EMID1: variants seen among roughly 807,000 people sequenced by gnomAD.
EMID1 encodes EMI domain containing 1.
Under a neutral mutation model 60.6 loss-of-function variants are expected in EMID1, and 40 were observed. The ratio of observed to expected loss-of-function variants is 0.66; its 90% confidence interval spans 0.51 to 0.86. The LOEUF (loss-of-function observed/expected upper bound fraction) is 0.86. Among genes scored for constraint, EMID1 ranks in the 40% least tolerant of loss-of-function variants. EMID1 has a pLI of 0.00. For synonymous variants in EMID1, 242 were observed against 231.0 expected (o/e 1.05, Z -0.43); for missense variants, 585 against 597.1 (o/e 0.98, Z 0.21).
chr22:29,229,446 C>T (rs2040647874), intron 5 of EMID1, among the ~76,000 whole-genome samples: 1 of 152,030 alleles, frequency 6.6e-6, no homozygotes, highest in African/African-American at 2.4e-5. Context: ...GAGTTCGAGA[C>T]CAGCCTGACC....
chr22:29,234,209 C>G lies in EMID1; in HGVS notation c.1029+10C>G. On this transcript the variant is annotated intron_variant, in intron 11 of 14. Coordinates refer to ENST00000334018, the MANE Select transcript of EMID1 (RefSeq NM_133455.4). The stretch of plus-strand genomic sequence containing the variant: ...AGAGAAGGGCGAGAGAGTGAGTACC[C>G]AGGTGGCCCCAGGTGGGGGAATTCT... 6.2e-7 allele frequency: 1 copy of G among 1,606,258 alleles called. No homozygotes were observed.
At chr22:29,255,350 T>C in intron 14 of EMID1, 1 of 1,503,390 alleles carries the variant, frequency 6.7e-7, no homozygotes, top group Non-Finnish European at 9.0e-7. Context: ...CTGGAAGCCA[T>C]CATCTGGCCA....
At chr22:29,254,395 G>C in intron 14 of EMID1, 108 bp downstream of exon 14, 2 of 1,078,204 alleles carry the variant, frequency 1.9e-6, no homozygotes, top group African/African-American at 1.5e-5. Context: ...GGCTGGAGAA[G>C]GTGCCTGCCC....
Position 29,211,466 on chromosome 22 carries a change from G to A in EMID1, c.102-3460G>A, listed in dbSNP as rs2039878052. Reference sequence around the variant, plus strand: ...TGTGTGTGCACGTGCTCACTGCAGTGCGTATTTGCCCTGTGTGCCTGTGTG... The same window carrying A: ...TGTGTGTGCACGTGCTCACTGCAGTACGTATTTGCCCTGTGTGCCTGTGTG... On this transcript the variant is annotated intron_variant, in intron 1 of 14. Transcript: ENST00000334018. Among the ~76,000 whole-genome samples the A allele has an allele frequency of 2.0e-5, 3 of 152,102 alleles. No homozygotes were observed. The South Asian group carries it at 6.2e-4, about 32-fold the overall frequency.
At chr22:29,245,706 C>T (rs6006077) in intron 13 of EMID1, among the ~76,000 whole-genome samples, 20,161 of 152,264 alleles carry the variant, frequency 0.13, 1,524 homozygotes, top group East Asian at 0.23. Flanking sequence ...GGCTGTGGCC[C>T]AGCAGTGACA....
rs1259099770 is a variant in EMID1 at position 29,219,652 on chromosome 22, C to T, written c.319+4022C>T. 2.0e-5 allele frequency among the ~76,000 whole-genome samples: 3 copies of T among 152,104 alleles called. No individual in the cohort carries two copies. In the South Asian group the frequency reaches 6.2e-4, roughly 32 times the overall value. ...AAAAAATTAGCTGGGCATGGTGGTG[C>T]ACACCTATAGTCCTGGTTACTCAGG... is the stretch of plus-strand genomic sequence containing the variant. On this transcript the variant is annotated intron_variant, in intron 3 of 14. Transcript: ENST00000334018.
In EMID1 at chr22:29,239,761, C is replaced by CTT. The variant is rs374949058; in HGVS notation, c.1075-3671_1075-3670dup. Among the ~76,000 whole-genome samples the CTT allele has an allele frequency of 3.2e-3, 462 of 143,396 alleles. 3 individuals are homozygous for CTT. Among genetic ancestry groups the CTT allele is most frequent in the Non-Finnish European group, 4.9e-3 (321 of 65,624 alleles). The allele number at this position is 143,396 out of a possible 152,430, so 94.1% of individuals were successfully genotyped here. A position where few individuals can be genotyped will look rare whatever the true frequency, so the allele number is the denominator to read the frequency against. On this transcript the variant is annotated intron_variant, in intron 12 of 14. Transcript: ENST00000334018. ...TGGAGTCCTATGATTAGATCTCAGT[C>CTT]TTTTTTTTTTTTTTGAGACAGAGTC...
At chr22:29,256,728 T>A (rs2041722256) in intron 14 of EMID1, among the ~76,000 whole-genome samples, 1 of 151,730 alleles carries the variant, frequency 6.6e-6, no homozygotes, top group Admixed American at 6.6e-5. Flanking sequence ...TCCCTAGGGG[T>A]TGGAGAAGGC....
At chr22:29,226,862 T>C (rs1335677451) in intron 5 of EMID1, among the ~76,000 whole-genome samples, 1 of 152,154 alleles carries the variant, frequency 6.6e-6, no homozygotes, top group African/African-American at 2.4e-5. Flanking sequence ...CAGCCTGGCC[T>C]GTTCTTCCTC....
intron 14 of EMID1, among the ~76,000 whole-genome samples, chr22:29,256,988 T>C (rs910233950): frequency 1.3e-5 from 2 of 152,174 alleles, no homozygotes; most frequent in Admixed American, 1.3e-4. Flanking sequence ...AATCTCAGGC[T>C]CTCAGAACCT....
chr22:29,243,588 C>T, intron 13 of EMID1, 99 bp downstream of exon 13: 1 of 1,368,148 alleles, frequency 7.3e-7, no homozygotes, highest in South Asian at 1.2e-5. Flanking sequence ...GGGAGCATCC[C>T]ATCCACATCC....
chr22:29,259,312 T>G lies in EMID1; in HGVS notation c.*368T>G. 1 of 243,188 alleles carries G rather than the reference T, an allele frequency of 4.1e-6. No individual in the cohort carries two copies. Among genetic ancestry groups the G allele is most frequent in the Non-Finnish European group, 8.0e-6 (1 of 125,698 alleles). 15.1% of individuals were successfully genotyped at this position (243,188 alleles called of 1,614,324 possible). A position where few individuals can be genotyped will look rare whatever the true frequency, so the allele number is the denominator to read the frequency against. On this transcript the variant is annotated 3_prime_UTR_variant, in exon 15 of 15. Coordinates refer to ENST00000334018, the MANE Select transcript of EMID1 (RefSeq NM_133455.4). ...GAGATGACAGGGCAGGGGGCAGTCT[T>G]CCTCCCCCTCCCCGACCAAACCTCG...
Position 29,215,009 on chromosome 22 carries a change from G to T in EMID1, c.185G>T (p.Cys62Phe). The T allele has an allele frequency of 6.4e-7, 1 of 1,550,396 alleles. No homozygotes were observed. Among genetic ancestry groups the T allele is most frequent in the Non-Finnish European group, 8.7e-7 (1 of 1,145,234 alleles). ...GTYLQRVLQN[C>F]PWPMSCPGSS... ...TACCTTCAGCGAGTGCTGCAGAACT[G>T]CCCCTGGCCCATGAGCTGTCCGGGG... The change falls in exon 2 of 15, where the codon TGC (cysteine) becomes TTC (phenylalanine). Residue 62 changes from cysteine (C) to phenylalanine (F), a missense_variant. Coordinates refer to ENST00000334018, the MANE Select transcript of EMID1 (RefSeq NM_133455.4).
chr22:29,206,093 G>A lies in EMID1; in HGVS notation c.55G>A (p.Gly19Ser). Residue 19 changes from glycine (G) to serine (S), a missense_variant, in exon 1 of 15, where the codon GGC becomes AGC. Gly to Ser is a moderately conservative substitution (Grantham distance 56). Transcript: ENST00000334018. ...LLCLGLLLPG[G>S]GAAWSIGAAP... ...CTGCCTCGGGCTCCTGCTCCCGGGA[G>A]GCGGCGCTGCGTGGAGCATCGGGGC... 1 of 1,230,874 alleles carries A rather than the reference G, an allele frequency of 8.1e-7. No individual in the cohort carries two copies. Among genetic ancestry groups the A allele is most frequent in the Non-Finnish European group, 1.0e-6 (1 of 987,378 alleles). 76.2% of individuals were successfully genotyped at this position (1,230,874 alleles called of 1,614,324 possible).
intron 1 of EMID1, among the ~76,000 whole-genome samples, chr22:29,214,001 G>A (rs2039989113): frequency 6.6e-6 from 1 of 152,178 alleles, no homozygotes; most frequent in African/African-American, 2.4e-5. Context: ...ACAGGGTGGG[G>A]GTACCTTCCT....
At chr22:29,207,730 A>G (rs2039727401) in intron 1 of EMID1, among the ~76,000 whole-genome samples, 1 of 152,220 alleles carries the variant, frequency 6.6e-6, no homozygotes, top group South Asian at 2.1e-4. Flanking sequence ...CCCTGTGGGC[A>G]ACACTATTGC....
intron 11 of EMID1, 25 bp downstream of exon 11, chr22:29,234,224 G>T (rs368792651): frequency 1.2e-6 from 2 of 1,608,638 alleles, no homozygotes; most frequent in Non-Finnish European, 1.7e-6. Flanking sequence ...GGCCCCAGGT[G>T]GGGGAATTCT....
chr22:29,241,282 G>A (rs1350366759), intron 12 of EMID1, among the ~76,000 whole-genome samples: 9 of 152,148 alleles, frequency 5.9e-5, no homozygotes, highest in African/African-American at 1.7e-4. Context: ...AGCTTTGGGG[G>A]CAATCGTTTG....
chr22:29,230,813 A>G (rs3765296), intron 5 of EMID1, among the ~76,000 whole-genome samples: 96,451 of 152,050 alleles, frequency 0.63, 31,032 homozygotes, highest in African/African-American at 0.7. Flanking sequence ...TAAATTTGCC[A>G]TGTGTGGTGG....
Sources: allele counts gnomAD v4.1 joint callset (sites outside exome capture counted in the v4.1 genomes callset), GRCh38; gene constraint gnomAD v4.1.1; transcripts MANE v1.5; gene names NCBI Gene and HGNC (gene_info 2026-07-23, HGNC 2026-07-21).